HAUS7: variants seen among roughly 807,000 people sequenced by gnomAD.
HAUS7 encodes HAUS augmin like complex subunit 7.
A neutral mutation model predicts 28.4 loss-of-function variants in HAUS7; 3 were observed. The ratio of observed to expected loss-of-function variants is 0.11; its 90% confidence interval spans 0.05 to 0.27. HAUS7 has a LOEUF of 0.27. Ranked by LOEUF, HAUS7 falls within the 10% of genes least tolerant of loss-of-function variation. HAUS7 has a pLI of 1.00. For missense variants in HAUS7, 284 were observed against 297.3 expected (o/e 0.96, Z 0.33); for synonymous variants, 165 against 132.1 (o/e 1.25, Z -1.71).
intron 1 of HAUS7, among the ~76,000 whole-genome samples, chrX:153,494,774 G>T (rs1395288572): frequency 2.0e-5 from 2 of 99,040 alleles, no homozygotes; most frequent in African/African-American, 7.5e-5. Flanking sequence ...GGGGGCGGGG[G>T]CTCAGCTAGT....
At chrX:153,475,001 G>C (rs1425207496), upstream of HAUS7, among the ~76,000 whole-genome samples, 3 of 110,761 alleles carry the variant, frequency 2.7e-5, no homozygotes, top group African/African-American at 6.5e-5. Flanking sequence ...CGCTCGGAGG[G>C]CCGGCCGGGG....
intron 2 of HAUS7, 27 bp downstream of exon 2, chrX:153,469,119 G>T: frequency 1.1e-6 from 1 of 896,153 alleles, no homozygotes; most frequent in Non-Finnish European, 1.6e-6. Context: ...CACCCCAGGT[G>T]GGAAGAGGAA....
At chrX:153,457,685 G>A (rs1225276912) in intron 4 of HAUS7, among the ~76,000 whole-genome samples, 1 of 113,133 alleles carries the variant, frequency 8.8e-6, no homozygotes, top group Non-Finnish European at 1.9e-5. Context: ...CCAGCCAGGG[G>A]ACTGGCGTTC....
At chrX:153,494,774 G>A (rs1395288572) in intron 1 of HAUS7, among the ~76,000 whole-genome samples, 16 of 99,041 alleles carry the variant, frequency 1.6e-4, no homozygotes, top group African/African-American at 5.2e-4. Context: ...GGGGGCGGGG[G>A]CTCAGCTAGT....
intron 1 of HAUS7, among the ~76,000 whole-genome samples, chrX:153,492,032 T>G (rs1031630736): frequency 8.9e-6 from 1 of 112,605 alleles, no homozygotes; most frequent in Non-Finnish European, 1.9e-5. Flanking sequence ...GCTCCCTGTC[T>G]GCCGCGGGTT....
At position 153,465,006 on chromosome X, in the gene HAUS7, T is replaced by C. The variant is rs781953896; in HGVS notation, c.274A>G (p.Thr92Ala). The change falls in exon 3 of 10, where the codon ACA becomes GCA. Residue 92 changes from threonine to alanine, a missense_variant. Thr to Ala is a moderately conservative substitution (Grantham distance 58). Coordinates refer to ENST00000370211, the MANE Select transcript of HAUS7 (RefSeq NM_001385482.1). ...CACCTACCTTGGATCTTCACCTCTG[T>C]TGGGACCCCTTTCAGTGAGCTGAAC... Reference protein sequence around the residue: ...DRFSSLKGVPTEVKIQEMTKL... With the variant: ...DRFSSLKGVPAEVKIQEMTKL... 4.2e-6 allele frequency: 5 copies of C among 1,196,036 alleles called. No individual in the cohort carries two copies. Among genetic ancestry groups the C allele is most frequent in the Admixed American group, 4.4e-5 (2 of 45,794 alleles).
chrX:153,454,265 T>A (rs1602928393), intron 9 of HAUS7, 129 bp downstream of exon 9: 1 of 452,028 alleles, frequency 2.2e-6, no homozygotes, highest in East Asian at 3.8e-5. Context: ...AAGGAAAACA[T>A]GCATTAGAAA....
intron 1 of HAUS7, among the ~76,000 whole-genome samples, chrX:153,487,671 T>C (rs2089647495): frequency 1.8e-5 from 2 of 112,566 alleles, no homozygotes; most frequent in Admixed American, 9.3e-5. Flanking sequence ...AGTGAGCACG[T>C]GGTCTGTGCA....
intron 1 of HAUS7, chrX:153,494,915 C>G (rs979496030): frequency 9.8e-6 from 1 of 102,105 alleles, no homozygotes; most frequent in African/African-American, 3.6e-5. Flanking sequence ...GCCCTCTCCC[C>G]GCTGTCCCCT....
intron 5 of HAUS7, 133 bp downstream of exon 5, chrX:153,457,004 C>G: frequency 2.0e-6 from 1 of 498,224 alleles, no homozygotes. Context: ...GATTGGCCAG[C>G]CAGATCCCCA....
chrX:153,470,588 G>A (rs1556985032), upstream of HAUS7: 3 of 1,194,747 alleles, frequency 2.5e-6, no homozygotes, highest in Non-Finnish European at 3.4e-6. Context: ...CCCCGCCCAT[G>A]CCCTGGCTTC....
chrX:153,450,712 GC>G (rs782461883), intron 9 of HAUS7, among the ~76,000 whole-genome samples: 136 of 112,702 alleles, frequency 1.2e-3, no homozygotes, highest in African/African-American at 4.1e-3. Context: ...ATGAGGCCAT[GC>G]CCCCAGCAAG....
rs2089400960 is a variant in HAUS7, at chrX:153,462,180, C to T, written c.354+430G>A. On this transcript the variant is annotated intron_variant, in intron 4 of 9. Coordinates refer to ENST00000370211, the MANE Select transcript of HAUS7 (RefSeq NM_001385482.1). Reference sequence around the variant, plus strand: ...AAACAATTATTTCAAAATTTAGAAACGAGAAGGTGGGTGCTGGAGTTTCTT... The same window carrying T: ...AAACAATTATTTCAAAATTTAGAAATGAGAAGGTGGGTGCTGGAGTTTCTT... 8 of 1,017,706 alleles carry T rather than the reference C, an allele frequency of 7.9e-6. No homozygotes were observed. In the Admixed American group the frequency reaches 1.5e-4, roughly 19 times the overall value. The allele number at this position is 1,017,706 out of a possible 1,213,427, so 83.9% of individuals were successfully genotyped here.
At chrX:153,484,616 C>T (rs2089624001) in intron 1 of HAUS7, among the ~76,000 whole-genome samples, 1 of 112,696 alleles carries the variant, frequency 8.9e-6, no homozygotes, top group African/African-American at 3.2e-5. Context: ...GTCTGACCCG[C>T]CATTCCAGGG....
At chrX:153,483,012 C>G (rs1424857738) in intron 1 of HAUS7, 1 of 121,402 alleles carries the variant, frequency 8.2e-6, no homozygotes, top group Non-Finnish European at 1.6e-5. Flanking sequence ...CTCTCCTCAG[C>G]TTGACCTAAC....
chrX:153,455,901 C>G, intron 7 of HAUS7, 135 bp from the exon 8 acceptor site: 1 of 460,821 alleles, frequency 2.2e-6, no homozygotes, highest in Non-Finnish European at 3.8e-6. Flanking sequence ...GGAGCTGTAC[C>G]GAGCGACTCA....
chrX:153,477,275 G>A (rs909475354), intron 1 of HAUS7, among the ~76,000 whole-genome samples: 10 of 113,608 alleles, frequency 8.8e-5, no homozygotes, highest in Non-Finnish European at 1.9e-4. Flanking sequence ...TGTTTAGTCA[G>A]CGCCTGGGGA....
chrX:153,467,807 A>C (rs1298094129), intron 2 of HAUS7, among the ~76,000 whole-genome samples: 1 of 112,799 alleles, frequency 8.9e-6, no homozygotes, highest in Non-Finnish European at 1.9e-5. Context: ...GCAGGCCAAG[A>C]GTGCACCCAC....
intron 1 of HAUS7, among the ~76,000 whole-genome samples, chrX:153,479,564 C>T (rs782489328): frequency 1.6e-3 from 179 of 111,709 alleles, no homozygotes; most frequent in African/African-American, 5.4e-3. Flanking sequence ...TAGGAGCGGG[C>T]GCTACAGTGA....
Sources: gnomAD v4.1 joint callset for allele counts (sites outside exome capture counted in the v4.1 genomes callset) on GRCh38, gnomAD v4.1.1 for gene constraint, MANE v1.5 for transcripts, NCBI Gene and HGNC (gene_info 2026-07-23, HGNC 2026-07-21) for gene names.